The following ANXA9 variants were observed in gnomAD, a reference collection of about 807,000 sequenced individuals.
The protein encoded by ANXA9 is annexin 31.
ANXA9 carries 47 observed loss-of-function variants against 51.8 expected under a neutral mutation model. The observed-to-expected ratio is 0.91, with a 90% CI of 0.72 to 1.16. The LOEUF is 1.16. ANXA9 is among the 50% of genes most tolerant of loss of function. The pLI, the probability that ANXA9 is intolerant of heterozygous loss-of-function variation, is 0.00. For missense variants in ANXA9, 361 were observed against 424.7 expected (o/e 0.85, Z 1.32); for synonymous variants, 154 against 168.7 (o/e 0.91, Z 0.68).
chr1:150,979,188 C>T (rs1476854607), upstream of ANXA9, among the ~76,000 whole-genome samples: 3 of 151,240 alleles, frequency 2.0e-5, no homozygotes, highest in African/African-American at 4.9e-5. Context: ...TCCTCACAGG[C>T]AAGGACTTCG....
upstream of ANXA9, among the ~76,000 whole-genome samples, chr1:150,978,720 C>T (rs1352397390): frequency 1.3e-5 from 2 of 152,034 alleles, no homozygotes; most frequent in Non-Finnish European, 2.9e-5. Context: ...AATCCCAACA[C>T]TTTGGGAGGC....
In ANXA9 at chr1:150,982,993, G is replaced by T. The variant is rs745414961; in HGVS notation, c.-16-97G>T. On this transcript the variant is annotated intron_variant, in intron 2 of 13. Coordinates refer to ENST00000368947, the MANE Select transcript of ANXA9 (RefSeq NM_003568.3). ...TTTTCTGCAGCAAGGAAAGGAACAG[G>T]TGACTGGAACCCAGGGTCCAGGGTC... The T allele has an allele frequency of 8.5e-6, 7 of 821,022 alleles. No homozygotes were observed. The African/African-American group carries it at 1.0e-4, about 12-fold the overall frequency. 50.9% of individuals were successfully genotyped at this position (821,022 alleles called of 1,614,324 possible). A position where few individuals can be genotyped will look rare whatever the true frequency, so the allele number is the denominator to read the frequency against.
In ANXA9 at chr1:150,983,932, A is replaced by G. The variant is rs192303395; in HGVS notation, c.173-43A>G. 3,094 of 1,575,928 alleles carry G rather than the reference A, an allele frequency of 2.0e-3. 6 individuals carry two copies. The highest frequency in any genetic ancestry group is 4.9e-3 in the East Asian group (213 of 43,330). On this transcript the variant is annotated intron_variant, in intron 4 of 13. Transcript: ENST00000368947. The stretch of plus-strand genomic sequence containing the variant: ...CTCCAAGGAGTAGGAACATCCCACT[A>G]TGTAAAGACCCTGCTCACAGCACAG...
At chr1:150,987,189 G>A (rs1184087363) in intron 9 of ANXA9, among the ~76,000 whole-genome samples, 3 of 151,956 alleles carry the variant, frequency 2.0e-5, no homozygotes, top group Non-Finnish European at 4.4e-5. Context: ...GCAACATAGT[G>A]AGACTCTATC....
upstream of ANXA9, among the ~76,000 whole-genome samples, chr1:150,980,780 T>G (rs1671402853): frequency 6.6e-6 from 1 of 151,958 alleles, no homozygotes; most frequent in Admixed American, 6.6e-5. Flanking sequence ...GGGGTTTCAC[T>G]GTGTAAGCCA....
rs376529122 is a variant in ANXA9 at position 150,988,081 on chromosome 1, C to T, written c.698-10C>T. The stretch of plus-strand genomic sequence containing the variant: ...CATCCATCTTTCTAACTGCCTCCTA[C>T]ACACACAAGTGTTTGATCAGTACCA... On this transcript the variant is annotated splice_polypyrimidine_tract_variant and intron_variant, in intron 10 of 13. Transcript: ENST00000368947. The T allele has an allele frequency of 2.4e-5, 39 of 1,614,074 alleles. No individual in the cohort carries two copies. The highest frequency in any genetic ancestry group is 3.1e-5 in the Non-Finnish European group (37 of 1,180,026).
chr1:150,989,522 C>G (rs776996960), intron 12 of ANXA9, among the ~76,000 whole-genome samples: 6 of 151,904 alleles, frequency 3.9e-5, no homozygotes, highest in African/African-American at 1.4e-4. Flanking sequence ...GAAACCCTGT[C>G]TCTACTAAAA....
chr1:150,987,871 G>A lies in ANXA9; in HGVS notation c.613-1G>A. 1 of 1,613,746 alleles carries A rather than the reference G, an allele frequency of 6.2e-7. No individual in the cohort carries two copies. The highest frequency in any genetic ancestry group is 8.5e-7 in the Non-Finnish European group (1 of 1,179,810). ...CTCCCTGACTCATTCCTCCCTCCTAGGCACTGCAGCGGGCAGAAGGACCTA... is the reference window on the plus strand; with the variant it reads ...CTCCCTGACTCATTCCTCCCTCCTAAGCACTGCAGCGGGCAGAAGGACCTA... On this transcript the variant is annotated splice_acceptor_variant, in intron 9 of 13. Transcript: ENST00000368947. LOFTEE classifies it high-confidence loss of function.
At chr1:150,980,572 C>CTTTTTTTTTTTTTTT (rs869295630), upstream of ANXA9, among the ~76,000 whole-genome samples, 1 of 89,062 alleles carries the variant, frequency 1.1e-5, no homozygotes, top group Admixed American at 1.6e-4. Context: ...ACACAGATTA[C>CTTTTTTTTTTTTTTT]TTTTTTTTTT....
In ANXA9 at chr1:150,995,436, T is replaced by C; in HGVS notation, c.*114T>C. The C allele has an allele frequency of 2.3e-6, 2 of 865,794 alleles. No individual in the cohort carries two copies. Among genetic ancestry groups the C allele is most frequent in the South Asian group, 1.9e-5 (1 of 52,652 alleles). The allele number at this position is 865,794 out of a possible 1,614,324, so 53.6% of individuals were successfully genotyped here. On this transcript the variant is annotated 3_prime_UTR_variant, in exon 14 of 14. Coordinates refer to ENST00000368947, the MANE Select transcript of ANXA9 (RefSeq NM_003568.3). ...GGATAACCCCTCACTGAGCACCACATTCTCTAGCTTCTTGTTGAGGCTGGA... is the reference window on the plus strand; with the variant it reads ...GGATAACCCCTCACTGAGCACCACACTCTCTAGCTTCTTGTTGAGGCTGGA...
intron 3 of ANXA9, 50 bp from the exon 4 acceptor site, chr1:150,983,288 G>A (rs766365386): frequency 4.4e-5 from 70 of 1,604,434 alleles, no homozygotes; most frequent in Non-Finnish European, 6.0e-5. Flanking sequence ...TGCTGAGGAG[G>A]TGTAGGCAGC....
intron 12 of ANXA9, among the ~76,000 whole-genome samples, chr1:150,993,467 C>A (rs1671753371): frequency 6.6e-6 from 1 of 151,814 alleles, no homozygotes; most frequent in African/African-American, 2.4e-5. Flanking sequence ...TACCACCACA[C>A]CTGGCTAATT....
In ANXA9 at chr1:150,983,066, G is replaced by C. The variant is rs746545397; in HGVS notation, c.-16-24G>C. On this transcript the variant is annotated intron_variant, in intron 2 of 13. Coordinates refer to ENST00000368947, the MANE Select transcript of ANXA9 (RefSeq NM_003568.3). ...CTGAAGGGCCAGGAAATTCAGCTCTGTGGGCTCCTGTTTCCTTCCCCAGGG... is the reference window on the plus strand; with the variant it reads ...CTGAAGGGCCAGGAAATTCAGCTCTCTGGGCTCCTGTTTCCTTCCCCAGGG... 5.5e-5 allele frequency: 87 copies of C among 1,596,232 alleles called. No homozygotes were observed. The South Asian group carries it at 9.0e-4, about 17-fold the overall frequency.
At chr1:150,983,232 G>A in intron 3 of ANXA9, 52 bp downstream of exon 3, 3 of 1,605,160 alleles carry the variant, frequency 1.9e-6, no homozygotes, top group Middle Eastern at 1.7e-4. Context: ...AGCTCGGGCT[G>A]TGAGAGGATG....
chr1:150,980,337 A>G (rs1376174588), upstream of ANXA9, among the ~76,000 whole-genome samples: 1 of 151,710 alleles, frequency 6.6e-6, no homozygotes, highest in Non-Finnish European at 1.5e-5. Flanking sequence ...TGGAGCTTGC[A>G]GTGAGCCAAC....
chr1:150,988,843 A>T (rs1027576482), intron 12 of ANXA9, among the ~76,000 whole-genome samples: 1 of 152,206 alleles, frequency 6.6e-6, no homozygotes, highest in Admixed American at 6.5e-5. Context: ...CTAGTAAGTT[A>T]TACAGTCTCC....
At chr1:150,991,700 T>C (rs1270750693) in intron 12 of ANXA9, among the ~76,000 whole-genome samples, 8 of 147,936 alleles carry the variant, frequency 5.4e-5, no homozygotes, top group East Asian at 2.0e-4. Context: ...CGCCACCACA[T>C]CCGGCTAATT....
intron 12 of ANXA9, among the ~76,000 whole-genome samples, chr1:150,991,507 T>A (rs1451456335): frequency 2.0e-5 from 3 of 151,376 alleles, no homozygotes; most frequent in Non-Finnish European, 4.4e-5. Context: ...AGTGCTGGGA[T>A]TACAGGCCTG....
At position 150,986,348 on chromosome 1, in the gene ANXA9, A is replaced by G; in HGVS notation, c.485A>G (p.Glu162Gly). 1 of 1,614,084 alleles carries G rather than the reference A, an allele frequency of 6.2e-7. No individual in the cohort carries two copies. Among genetic ancestry groups the G allele is most frequent in the South Asian group, 1.1e-5 (1 of 91,082 alleles). ...LAVYKHNFQV[E>G]AVDDITSETS... Reference sequence around the variant, plus strand: ...CACCCCACCCCAGATTTCCAGGTGGAGGCTGTGGATGACATCACATCTGAG... The same window carrying G: ...CACCCCACCCCAGATTTCCAGGTGGGGGCTGTGGATGACATCACATCTGAG... The change falls in exon 8 of 14, where the codon GAG becomes GGG. Residue 162 changes from glutamate to glycine, a missense_variant. Glu to Gly is a moderately conservative substitution (Grantham distance 98). Coordinates refer to ENST00000368947, the MANE Select transcript of ANXA9 (RefSeq NM_003568.3).
Sources: allele counts gnomAD v4.1 joint callset (sites outside exome capture counted in the v4.1 genomes callset), GRCh38; gene constraint gnomAD v4.1.1; transcripts MANE v1.5; gene names NCBI Gene and HGNC (gene_info 2026-07-23, HGNC 2026-07-21).